Variants in MFSD11 observed in about 807,000 individuals in gnomAD.
MFSD11 encodes major facilitator superfamily domain containing 11.
A neutral mutation model predicts 53.5 loss-of-function variants in MFSD11; 36 were observed. The ratio of observed to expected loss-of-function variants is 0.67; its 90% CI spans 0.52 to 0.89. The LOEUF (loss-of-function observed/expected upper bound fraction) is 0.89, where lower values mean the gene tolerates loss of function less well. Among genes scored for constraint, MFSD11 ranks in the 40% least tolerant of loss-of-function variants. The pLI, the probability that MFSD11 is intolerant of heterozygous loss-of-function variation, is 0.00. For synonymous variants in MFSD11, 186 were observed against 184.9 expected (o/e 1.01, Z -0.05); for missense variants, 530 against 543.9 (o/e 0.97, Z 0.25).
chr17:76,755,734 ATATATGTATATATATGTGTATATG>A (rs1313094771), intron 8 of MFSD11, among the ~76,000 whole-genome samples: 2,624 of 132,688 alleles, frequency 0.02, 65 homozygotes, highest in South Asian at 0.11. Context: ...GTATATGTAT[ATATATGTATATATATGTGTATATG>A]TATATATGTA....
intron 7 of MFSD11, among the ~76,000 whole-genome samples, chr17:76,747,202 G>A (rs1190504121): frequency 3.3e-5 from 5 of 152,126 alleles, no homozygotes; most frequent in African/African-American, 1.2e-4. Flanking sequence ...ATCATTCTAG[G>A]TAGGTCACAT....
At chr17:76,753,880 G>A (rs2079311232) in intron 7 of MFSD11, among the ~76,000 whole-genome samples, 167 bp from the exon 8 acceptor site, 1 of 152,102 alleles carries the variant, frequency 6.6e-6, no homozygotes, top group African/African-American at 2.4e-5. Flanking sequence ...AAGCGAGGGT[G>A]TGGCCATGAG....
rs139871845 is a variant in MFSD11 at position 76,775,024 on chromosome 17, A to T, written c.902A>T (p.Lys301Met). ...LGGSLFGLLSKNNRFGRNPVV... is the reference protein window; with the variant it reads ...LGGSLFGLLSMNNRFGRNPVV... ...GGAAGCCTCTTCGGCCTGCTGAGCA[A>T]GAACAATCGTTTTGGTAGAAATCCA... The change falls in exon 11 of 13, where the codon AAG becomes ATG. Residue 301 changes from lysine to methionine, a missense_variant. Transcript: ENST00000685175. 2.0e-4 allele frequency: 330 copies of T among 1,613,974 alleles called. 3 individuals carry two copies. The African/African-American group carries it at 4.2e-3, about 20-fold the overall frequency.
chr17:76,767,640 T>A (rs8075207), intron 9 of MFSD11, among the ~76,000 whole-genome samples, 189 bp downstream of exon 9: 13,709 of 152,216 alleles, frequency 0.09, 2,026 homozygotes, highest in African/African-American at 0.31. Flanking sequence ...GGTCAGATGA[T>A]AGGCTGAATA....
At chr17:76,740,393 A>C (rs1358330485) in intron 2 of MFSD11, among the ~76,000 whole-genome samples, 2 of 152,150 alleles carry the variant, frequency 1.3e-5, no homozygotes, top group African/African-American at 4.8e-5. Context: ...CATTAGGTTG[A>C]GTTAAATAAA....
rs78092057 is a variant in MFSD11 at position 76,758,258 on chromosome 17, T to A, written c.682+4171T>A. On this transcript the variant is annotated intron_variant, in intron 8 of 12. Coordinates refer to ENST00000685175, the MANE Select transcript of MFSD11 (RefSeq NM_001242532.5). ...CTTTATATTAAAACTTTTAGTAGAT[T>A]AAAGGTTAAATATAAAAATGAAACT... 8.3e-4 allele frequency among the ~76,000 whole-genome samples: 126 copies of A among 152,152 alleles called. No individual in the cohort carries two copies. The South Asian group carries it at 0.014, about 16-fold the overall frequency.
chr17:76,788,472 TCTC>T, the MFSD11 span, among the ~76,000 whole-genome samples: 1 of 148,850 alleles, frequency 6.7e-6, no homozygotes, highest in Non-Finnish European at 1.5e-5. Context: ...TTCAAGCAAT[TCTC>T]CTGCCTCAAC....
At chr17:76,737,985 G>T (rs1484109716), upstream of MFSD11, 1 of 289,562 alleles carries the variant, frequency 3.5e-6, no homozygotes, top group African/African-American at 2.2e-5. Flanking sequence ...AGGTGACCCG[G>T]TCGCCTGGCC....
chr17:76,789,647 A>G, the MFSD11 span, among the ~76,000 whole-genome samples: 1 of 150,000 alleles, frequency 6.7e-6, no homozygotes, highest in Non-Finnish European at 1.5e-5. Context: ...CTGCCTGACC[A>G]TCACCTGATG....
chr17:76,760,139 G>A (rs11871861), intron 8 of MFSD11, among the ~76,000 whole-genome samples: 3,926 of 151,014 alleles, frequency 0.026, 172 homozygotes, highest in African/African-American at 0.09. Context: ...GTGGTGGCTG[G>A]CGCCTATAAT....
intron 7 of MFSD11, 26 bp from the exon 8 acceptor site, chr17:76,754,021 T>G (rs1344619377): frequency 6.3e-7 from 1 of 1,587,314 alleles, no homozygotes; most frequent in East Asian, 2.2e-5. Context: ...AAGAAAAAAC[T>G]TATTTTTTAC....
intron 7 of MFSD11, among the ~76,000 whole-genome samples, chr17:76,749,090 T>C (rs1465138644): frequency 6.6e-6 from 1 of 152,238 alleles, no homozygotes; most frequent in East Asian, 1.9e-4. Context: ...ATATACTATA[T>C]AATTCACCCA....
chr17:76,743,234 A>G (rs189502615), intron 5 of MFSD11, among the ~76,000 whole-genome samples, 164 bp from the exon 6 acceptor site: 1 of 152,354 alleles, frequency 6.6e-6, no homozygotes, highest in South Asian at 2.1e-4. Context: ...ATCAGAGTCC[A>G]GATGAAGCTG....
chr17:76,757,060 G>A (rs1297720216), intron 8 of MFSD11, among the ~76,000 whole-genome samples: 1 of 152,094 alleles, frequency 6.6e-6, no homozygotes, highest in East Asian at 1.9e-4. Context: ...GATCGGAGTC[G>A]TTAAAGGGAG....
intron 10 of MFSD11, among the ~76,000 whole-genome samples, 160 bp downstream of exon 10, chr17:76,770,031 C>CTTTTTTTTTTTT (rs367900405): frequency 7.6e-6 from 1 of 131,084 alleles, no homozygotes; most frequent in African/African-American, 2.9e-5. Flanking sequence ...TATTCTTTTT[C>CTTTTTTTTTTTT]TTTTTTTTTT....
In MFSD11 at chr17:76,767,373, T is replaced by A. The variant is rs1203069463; in HGVS notation, c.683-13T>A. The A allele has an allele frequency of 6.4e-7, 1 of 1,554,200 alleles. No individual in the cohort carries two copies. The highest frequency in any genetic ancestry group is 1.7e-5 in the Admixed American group (1 of 57,302). ...AAATCTAATTAAGTACTCTTAAATT[T>A]TTGTGTTTACAGAAAAGTCTTTTAA... On this transcript the variant is annotated splice_polypyrimidine_tract_variant and intron_variant, in intron 8 of 12. Transcript: ENST00000685175.
At chr17:76,765,666 G>T (rs369889376) in intron 8 of MFSD11, among the ~76,000 whole-genome samples, 8 of 151,940 alleles carry the variant, frequency 5.3e-5, no homozygotes, top group South Asian at 4.2e-4. Context: ...ATTTCGCCAT[G>T]TTGCCCAAGC....
the MFSD11 span, among the ~76,000 whole-genome samples, chr17:76,792,447 C>CTT: frequency 6.9e-6 from 1 of 144,538 alleles, no homozygotes; most frequent in Non-Finnish European, 1.5e-5. Context: ...TCTTTTCTTT[C>CTT]TTTTTTTTTT....
downstream of MFSD11, among the ~76,000 whole-genome samples, chr17:76,782,245 G>A (rs145896938): frequency 1.9e-3 from 292 of 151,304 alleles, 2 homozygotes; most frequent in African/African-American, 6.8e-3. Context: ...GCGCGATCTC[G>A]GCTCACTGCA....
Sources: gnomAD v4.1 joint callset for allele counts (sites outside exome capture counted in the v4.1 genomes callset) on GRCh38, gnomAD v4.1.1 for gene constraint, MANE v1.5 for transcripts, NCBI Gene and HGNC (gene_info 2026-07-23, HGNC 2026-07-21) for gene names.